DLG2: variants seen among roughly 807,000 people sequenced by gnomAD.
The protein encoded by DLG2 is discs large MAGUK scaffold protein 2, also known as disks large homolog 2.
DLG2 carries 45 observed loss-of-function variants against 132.5 expected under a neutral mutation model. That is an observed-to-expected ratio of 0.34 (90% confidence interval 0.27 to 0.44). The LOEUF is 0.44. Ranked by LOEUF, DLG2 falls within the 20% of genes least tolerant of loss-of-function variation. The pLI is 1.00. For missense variants in DLG2, 1,045 were observed against 1,196.9 expected (o/e 0.87, Z 1.87); for synonymous variants, 424 against 419.6 (o/e 1.01, Z -0.13).
intron 19 of DLG2, among the ~76,000 whole-genome samples, chr11:83,587,788 C>T (rs1031364032): frequency 3.3e-5 from 5 of 152,110 alleles, no homozygotes; most frequent in African/African-American, 4.8e-5. Flanking sequence ...GTGCGCGCAC[C>T]GTGCGCGAGC....
At chr11:83,486,246 C>T (rs2093493851) in intron 21 of DLG2, 2 of 685,944 alleles carry the variant, frequency 2.9e-6, no homozygotes, top group Non-Finnish European at 5.3e-6. Context: ...ATTTAAACTC[C>T]AGTAACTGAA....
chr11:84,378,545 GA>G (rs1216557815), intron 7 of DLG2, among the ~76,000 whole-genome samples: 2 of 152,036 alleles, frequency 1.3e-5, no homozygotes, highest in Admixed American at 6.6e-5. Context: ...TCAATGGGGG[GA>G]AAAATCTCGC....
At chr11:84,045,240 T>G (rs925634395) in intron 11 of DLG2, among the ~76,000 whole-genome samples, 2 of 151,766 alleles carry the variant, frequency 1.3e-5, no homozygotes, top group Non-Finnish European at 2.9e-5. Flanking sequence ...CTGGGTAACA[T>G]ATGCACTTGC....
intron 4 of DLG2, among the ~76,000 whole-genome samples, chr11:85,256,762 A>T (rs2076690789): frequency 6.6e-6 from 1 of 152,200 alleles, no homozygotes; most frequent in Non-Finnish European, 1.5e-5. Context: ...AATTAGAAAG[A>T]TGCTTTATAT....
intron 17 of DLG2, among the ~76,000 whole-genome samples, chr11:83,804,289 C>T (rs187579694): frequency 1.3e-5 from 2 of 152,168 alleles, no homozygotes; most frequent in African/African-American, 4.8e-5. Context: ...AACTTGTATT[C>T]ACCACTATGA....
intron 17 of DLG2, among the ~76,000 whole-genome samples, chr11:83,818,234 T>A (rs960539415): frequency 1.1e-4 from 16 of 152,202 alleles, no homozygotes; most frequent in African/African-American, 3.9e-4. Context: ...GTCTTGTTGG[T>A]CTGGGCTGTT....
chr11:83,735,254 AGT>A lies in DLG2; in HGVS notation c.1825+51434_1825+51435del, dbSNP rs143146266. ...GTATTTTAAAATGTAACCAGCACTG[AGT>A]GAATTGTTAAGGATTATTGATTTGA... On this transcript the variant is annotated intron_variant, in intron 18 of 27. Transcript: ENST00000376104. Among the ~76,000 whole-genome samples the A allele has an allele frequency of 4.1e-3, 626 of 152,232 alleles. 4 individuals are homozygous for A. Among genetic ancestry groups the A allele is most frequent in the African/African-American group, 0.015 (616 of 41,530 alleles).
At chr11:83,467,764 A>AGTATATATAT (rs1565337995) in intron 25 of DLG2, among the ~76,000 whole-genome samples, 5 of 77,982 alleles carry the variant, frequency 6.4e-5, no homozygotes, top group African/African-American at 2.1e-4. Context: ...AAAAATAAAA[A>AGTATATATAT]CTATATGTAT....
intron 3 of DLG2, among the ~76,000 whole-genome samples, chr11:85,555,471 A>T (rs776518388): frequency 6.6e-5 from 10 of 151,962 alleles, no homozygotes; most frequent in Non-Finnish European, 1.0e-4. Flanking sequence ...GCTTTGGCAC[A>T]CTGACCACTC....
rs139535996 is a variant in DLG2 at position 84,027,573 on chromosome 11, T to G, written c.919+31742A>C. Reference sequence around the variant, plus strand: ...TAAATGAATAATGGATAAATCAACTTTAAACATGAAAGTGTTATAAACATA... The same window carrying G: ...TAAATGAATAATGGATAAATCAACTGTAAACATGAAAGTGTTATAAACATA... On this transcript the variant is annotated intron_variant, in intron 11 of 27. Coordinates refer to ENST00000376104, the MANE Select transcript of DLG2 (RefSeq NM_001142699.3). 7.2e-5 allele frequency among the ~76,000 whole-genome samples: 11 copies of G among 152,192 alleles called. No homozygotes were observed. The East Asian group carries it at 2.1e-3, about 29-fold the overall frequency.
chr11:84,593,194 G>T (rs1331526260), intron 6 of DLG2, among the ~76,000 whole-genome samples: 1 of 151,938 alleles, frequency 6.6e-6, no homozygotes, highest in Non-Finnish European at 1.5e-5. Context: ...TACACTGTTG[G>T]TGGCAGTGTA....
chr11:83,595,824 A>G (rs911684576), intron 19 of DLG2, among the ~76,000 whole-genome samples: 2 of 152,214 alleles, frequency 1.3e-5, no homozygotes, highest in Middle Eastern at 3.2e-3. Context: ...AACAAACAAA[A>G]GTCTGCCATT....
intron 6 of DLG2, among the ~76,000 whole-genome samples, chr11:84,558,157 T>C (rs1451992707): frequency 1.3e-5 from 2 of 152,166 alleles, no homozygotes; most frequent in Admixed American, 1.3e-4. Context: ...GTGTTATTAT[T>C]CTTATTATTA....
intron 6 of DLG2, among the ~76,000 whole-genome samples, chr11:84,913,814 C>A (rs1161178368): frequency 6.6e-6 from 1 of 152,072 alleles, no homozygotes; most frequent in East Asian, 1.9e-4. Context: ...TGTATTCTGA[C>A]CCACTTAAAA....
intron 6 of DLG2, among the ~76,000 whole-genome samples, chr11:84,914,579 T>C (rs1409155648): frequency 6.6e-6 from 1 of 152,176 alleles, no homozygotes; most frequent in Non-Finnish European, 1.5e-5. Context: ...TTCTGGTCCC[T>C]GGCTAATGAA....
intron 13 of DLG2, among the ~76,000 whole-genome samples, 185 bp downstream of exon 13, chr11:83,965,139 T>A (rs1345728320): frequency 6.6e-6 from 1 of 152,012 alleles, no homozygotes; most frequent in African/African-American, 2.4e-5. Flanking sequence ...TTAGGAGATC[T>A]CATCTTCAAA....
chr11:84,193,485 T>A (rs1005607449), intron 8 of DLG2, among the ~76,000 whole-genome samples: 2 of 152,324 alleles, frequency 1.3e-5, no homozygotes, highest in Middle Eastern at 3.4e-3. Context: ...GGCTGGCATA[T>A]AATAAATAAT....
intron 3 of DLG2, among the ~76,000 whole-genome samples, chr11:85,307,189 A>G (rs1276209604): frequency 6.6e-6 from 1 of 152,228 alleles, no homozygotes; most frequent in Non-Finnish European, 1.5e-5. Context: ...TGTATGAATG[A>G]ATGCCTGTGA....
At position 85,483,286 on chromosome 11, in the gene DLG2, C is replaced by A. The variant is rs1306983066; in HGVS notation, c.40+115371G>T. 2.6e-5 allele frequency among the ~76,000 whole-genome samples: 4 copies of A among 152,004 alleles called. No homozygotes were observed. The South Asian group carries it at 8.3e-4, about 32-fold the overall frequency. On this transcript the variant is annotated intron_variant, in intron 3 of 27. Transcript: ENST00000376104. ...AATTTCTCAGCAGGGACGTTACAGG[C>A]CAAGAGAGAGTGAGATGATGTATTC...
Sources: allele counts gnomAD v4.1 joint callset (sites outside exome capture counted in the v4.1 genomes callset), GRCh38; gene constraint gnomAD v4.1.1; transcripts MANE v1.5; gene names NCBI Gene and HGNC (gene_info 2026-07-23, HGNC 2026-07-21).